Variants in PRDM16 observed in about 807,000 individuals in gnomAD.
PRDM16 encodes PR/SET domain 16.
Under a neutral mutation model 110.6 loss-of-function variants are expected in PRDM16, and 23 were observed. The ratio of observed to expected loss-of-function variants is 0.21; its 90% CI spans 0.15 to 0.29. The LOEUF (loss-of-function observed/expected upper bound fraction) is 0.29, where lower values mean the gene tolerates loss of function less well. PRDM16 is among the 10% of genes least tolerant of loss of function. The pLI, the probability that PRDM16 is intolerant of heterozygous loss-of-function variation, is 1.00. For missense variants in PRDM16, 1,615 were observed against 1,794.3 expected, an observed-to-expected ratio of 0.90 and a Z score of 1.81; for synonymous variants, 799 against 781.8, an observed-to-expected ratio of 1.02 and a Z score of -0.37.
rs1643406779 is a variant in PRDM16, at chr1:3,134,952, G to A, written c.38-51173G>A. On this transcript the variant is annotated intron_variant, in intron 1 of 16. Coordinates refer to ENST00000270722, the MANE Select transcript of PRDM16 (RefSeq NM_022114.4). ...ATTAGACGGCCGAGCTGCTGGCCTG[G>A]TAGGGGAGCTGCCGGGGAGCTGCCG... Among the ~76,000 whole-genome samples the A allele has an allele frequency of 2.6e-5, 4 of 152,164 alleles. No homozygotes were observed. In the South Asian group the frequency reaches 8.3e-4, roughly 32 times the overall value.
At chr1:3,199,958 C>G (rs184703219) in intron 2 of PRDM16, among the ~76,000 whole-genome samples, 2 of 152,278 alleles carry the variant, frequency 1.3e-5, no homozygotes, top group African/African-American at 2.4e-5. Context: ...TCTCTCCCCC[C>G]ACCAGGGGAA....
intron 2 of PRDM16, among the ~76,000 whole-genome samples, chr1:3,242,043 A>G (rs1639685948): frequency 6.6e-6 from 1 of 152,224 alleles, no homozygotes; most frequent in South Asian, 2.1e-4. Context: ...GGGCCGTGGC[A>G]TGCACTTTCC....
chr1:3,386,034 G>A (rs1482542456), intron 4 of PRDM16, among the ~76,000 whole-genome samples: 1 of 152,200 alleles, frequency 6.6e-6, no homozygotes, highest in African/African-American at 2.4e-5. Context: ...GCTGCTTCAT[G>A]GATTTCTCTA....
intron 1 of PRDM16, among the ~76,000 whole-genome samples, chr1:3,153,787 G>A (rs865977413): frequency 2.0e-5 from 3 of 152,240 alleles, no homozygotes; most frequent in Middle Eastern, 6.3e-3. Context: ...CCATTGAGAA[G>A]CGTGGAACGC....
At chr1:3,351,100 G>A (rs1256128427) in intron 3 of PRDM16, among the ~76,000 whole-genome samples, 2 of 152,170 alleles carry the variant, frequency 1.3e-5, no homozygotes, top group African/African-American at 2.4e-5. Flanking sequence ...GGCTCGCTGG[G>A]CCAGACGTTT....
chr1:3,181,450 G>A lies in PRDM16; in HGVS notation c.38-4675G>A, dbSNP rs201724418. On this transcript the variant is annotated intron_variant, in intron 1 of 16. Transcript: ENST00000270722. The stretch of plus-strand genomic sequence containing the variant: ...CGGTCTTACACAAGCAGTCTTACAC[G>A]GTCTTACACACGGTCTTACACACGC... 1.7e-3 allele frequency among the ~76,000 whole-genome samples: 38 copies of A among 22,042 alleles called. 8 individuals are homozygous for A. The highest frequency in any genetic ancestry group is 4.3e-3 in the Admixed American group (6 of 1,396). The allele number at this position is 22,042 out of a possible 152,430, so 14.5% of individuals were successfully genotyped here. A position where few individuals can be genotyped will look rare whatever the true frequency, so the allele number is the denominator to read the frequency against.
intron 1 of PRDM16, among the ~76,000 whole-genome samples, chr1:3,141,122 A>C (rs976413878): frequency 6.6e-6 from 1 of 152,132 alleles, no homozygotes; most frequent in Non-Finnish European, 1.5e-5. Flanking sequence ...TGATTTGTTA[A>C]ATAATAGAAA....
intron 3 of PRDM16, among the ~76,000 whole-genome samples, chr1:3,293,940 G>A (rs1033874829): frequency 6.6e-6 from 1 of 152,300 alleles, no homozygotes; most frequent in African/African-American, 2.4e-5. Flanking sequence ...GTGTGAGTGC[G>A]TGCGTGTTGT....
At chr1:3,077,838 G>A (rs1435938905) in intron 1 of PRDM16, among the ~76,000 whole-genome samples, 1 of 152,192 alleles carries the variant, frequency 6.6e-6, no homozygotes, top group Non-Finnish European at 1.5e-5. Context: ...AACCACACTG[G>A]GGTCTCCCCT....
intron 9 of PRDM16, among the ~76,000 whole-genome samples, chr1:3,413,928 G>T (rs555774092): frequency 6.6e-6 from 1 of 152,214 alleles, no homozygotes; most frequent in Admixed American, 6.5e-5. Context: ...GCCCTGGAGG[G>T]TGTTTAGACA....
chr1:3,203,191 A>G (rs1028208585), intron 2 of PRDM16, among the ~76,000 whole-genome samples: 3 of 152,310 alleles, frequency 2.0e-5, no homozygotes, highest in African/African-American at 7.2e-5. Flanking sequence ...ATTTTCTCAA[A>G]GAAGTTAGGC....
At chr1:3,130,608 A>G (rs2788086) in intron 1 of PRDM16, among the ~76,000 whole-genome samples, 85,390 of 151,976 alleles carry the variant, frequency 0.56, 26,841 homozygotes, top group African/African-American at 0.86. Context: ...CTGATGCTTC[A>G]TGCGCCCCAC....
At chr1:3,322,373 A>G (rs1641779194) in intron 3 of PRDM16, among the ~76,000 whole-genome samples, 1 of 152,140 alleles carries the variant, frequency 6.6e-6, no homozygotes, top group African/African-American at 2.4e-5. Flanking sequence ...GGAGCCTATA[A>G]ATCTCACGCT....
At chr1:3,180,519 T>G (rs1017325537) in intron 1 of PRDM16, among the ~76,000 whole-genome samples, 1 of 152,132 alleles carries the variant, frequency 6.6e-6, no homozygotes, top group Non-Finnish European at 1.5e-5. Context: ...GGTGTGCAGC[T>G]GGGTGGGACC....
chr1:3,098,683 C>A (rs914466040), intron 1 of PRDM16, among the ~76,000 whole-genome samples: 8 of 152,342 alleles, frequency 5.3e-5, no homozygotes, highest in Middle Eastern at 6.8e-3. Flanking sequence ...AAAACTGCTT[C>A]TCCTGAGGTC....
At position 3,245,335 on chromosome 1, in the gene PRDM16, A is replaced by C. The variant is rs572680269; in HGVS notation, c.438+1198A>C. 2.6e-5 allele frequency among the ~76,000 whole-genome samples: 4 copies of C among 152,294 alleles called. No individual in the cohort carries two copies. ...AGTCTCTGAGCCGAGGCATTTGGGC[A>C]GAGCTGCCTACGAGGGACAGGGGAC... On this transcript the variant is annotated intron_variant, in intron 3 of 16. Transcript: ENST00000270722. The surrounding 1 kb of genome is among the most constrained non-coding windows in gnomAD (Gnocchi z 4.7).
intron 3 of PRDM16, among the ~76,000 whole-genome samples, chr1:3,332,251 G>A (rs1478949701): frequency 2.0e-5 from 3 of 152,260 alleles, no homozygotes; most frequent in South Asian, 2.1e-4. Context: ...CTGTGTACTC[G>A]CTTCCGAGAA....
chr1:3,091,371 A>T (rs1642272750), intron 1 of PRDM16, among the ~76,000 whole-genome samples: 1 of 152,120 alleles, frequency 6.6e-6, no homozygotes. Flanking sequence ...CCGCACCGAG[A>T]CGACAGCATC....
chr1:3,278,504 C>T (rs1238590762), intron 3 of PRDM16, among the ~76,000 whole-genome samples: 1 of 152,182 alleles, frequency 6.6e-6, no homozygotes, highest in Non-Finnish European at 1.5e-5. Flanking sequence ...ATCGGCAACC[C>T]CCTCTTCTAA....
Sources: allele counts gnomAD v4.1 joint callset (sites outside exome capture counted in the v4.1 genomes callset), GRCh38; gene constraint gnomAD v4.1.1; non-coding constraint Gnocchi (gnomAD v3.1); transcripts MANE v1.5; gene names NCBI Gene and HGNC (gene_info 2026-07-23, HGNC 2026-07-21).